The following RNLS variants were observed in gnomAD, a reference collection of about 807,000 sequenced individuals.
RNLS encodes the protein renalase, FAD dependent amine oxidase, also known as renalase.
Under a neutral mutation model 39.8 loss-of-function variants are expected in RNLS, and 39 were observed. The ratio of observed to expected loss-of-function variants is 0.98; its 90% CI spans 0.76 to 1.28. RNLS has a LOEUF of 1.28. Among genes scored for constraint, RNLS ranks in the 50% most tolerant of loss-of-function variants. RNLS has a pLI of 0.00. For synonymous variants in RNLS, 147 were observed against 150.7 expected, an observed-to-expected ratio of 0.98 and a Z score of 0.18; for missense variants, 410 against 413.3, an observed-to-expected ratio of 0.99 and a Z score of 0.07.
At chr10:88,468,360 T>C (rs1484840095) in intron 4 of RNLS, among the ~76,000 whole-genome samples, 1 of 152,202 alleles carries the variant, frequency 6.6e-6, no homozygotes, top group African/African-American at 2.4e-5. Flanking sequence ...CCTGGCTCTG[T>C]ATCTCCCCTG....
chr10:88,469,866 G>T, intron 4 of RNLS, among the ~76,000 whole-genome samples: 1 of 142,830 alleles, frequency 7.0e-6, no homozygotes, highest in Admixed American at 7.1e-5. Context: ...TGTGTGCTTT[G>T]CTCCACTTTC....
intron 4 of RNLS, among the ~76,000 whole-genome samples, chr10:88,512,331 T>C (rs1460330788): frequency 1.3e-5 from 2 of 152,072 alleles, no homozygotes; most frequent in Non-Finnish European, 2.9e-5. Context: ...CTCTGTGTAG[T>C]TCTATTTGGT....
intron 6 of RNLS, among the ~76,000 whole-genome samples, chr10:88,291,600 A>T (rs1274299885): frequency 6.6e-6 from 1 of 152,196 alleles, no homozygotes; most frequent in Non-Finnish European, 1.5e-5. Flanking sequence ...ACCACCAGTC[A>T]ATTGGAGTTG....
Position 88,275,841 on chromosome 10 carries a change from C to T in RNLS, c.877-809G>A, listed in dbSNP as rs187054622. On this transcript the variant is annotated intron_variant, in intron 6 of 6. Transcript: ENST00000371947. Reference sequence around the variant, plus strand: ...AGGCTGAGGCAAGAAGATCACTTGACGGCAGGAGTTTGAGTCTTACTTGGG... The same window carrying T: ...AGGCTGAGGCAAGAAGATCACTTGATGGCAGGAGTTTGAGTCTTACTTGGG... 2.5e-3 allele frequency among the ~76,000 whole-genome samples: 377 copies of T among 151,976 alleles called. 2 individuals carry two copies. The highest frequency in any genetic ancestry group is 3.2e-3 in the Non-Finnish European group (220 of 67,972).
chr10:88,579,719 C>G (rs529559144), intron 3 of RNLS, among the ~76,000 whole-genome samples: 4 of 152,164 alleles, frequency 2.6e-5, no homozygotes, highest in Non-Finnish European at 5.9e-5. Flanking sequence ...TAGTAACATT[C>G]TACAAAACGT....
chr10:88,507,367 A>C (rs1845848986), intron 4 of RNLS, among the ~76,000 whole-genome samples: 1 of 152,166 alleles, frequency 6.6e-6, no homozygotes, highest in South Asian at 2.1e-4. Flanking sequence ...ATCCTAAATG[A>C]TACTCCTAAA....
In RNLS at chr10:88,472,731, G is replaced by T. The variant is rs112358396; in HGVS notation, c.526+100172C>A. Among the ~76,000 whole-genome samples, 815 of 152,214 alleles carry T rather than the reference G, an allele frequency of 5.4e-3. 6 individuals are homozygous for T. Among genetic ancestry groups the T allele is most frequent in the African/African-American group, 0.016 (652 of 41,524 alleles). ...TTCATAGTGTGTTCCATGAACTACA[G>T]GCACCCCATCACCTGGGGGAGCTTG... On this transcript the variant is annotated intron_variant, in intron 4 of 6. Transcript: ENST00000331772.
intron 5 of RNLS, among the ~76,000 whole-genome samples, chr10:88,325,241 T>C (rs889028797): frequency 6.6e-6 from 1 of 152,198 alleles, no homozygotes; most frequent in Non-Finnish European, 1.5e-5. Context: ...GGCTGTACCA[T>C]TTGCATTCCC....
the RNLS span, among the ~76,000 whole-genome samples, chr10:88,188,084 G>T: frequency 3.9e-5 from 6 of 152,040 alleles, no homozygotes; most frequent in South Asian, 1.2e-3. Context: ...TTGAGATGGA[G>T]TCTCGCTCTG....
At chr10:88,199,255 T>A in the RNLS span, among the ~76,000 whole-genome samples, 5 of 152,076 alleles carry the variant, frequency 3.3e-5, no homozygotes, top group South Asian at 2.1e-4. Flanking sequence ...TCTAGATAGA[T>A]TTAAGAAGAG....
intron 4 of RNLS, among the ~76,000 whole-genome samples, chr10:88,403,519 G>T (rs1853065928): frequency 6.6e-6 from 1 of 151,948 alleles, no homozygotes; most frequent in Non-Finnish European, 1.5e-5. Context: ...ATAATTTTGG[G>T]TCACATTGGG....
intron 6 of RNLS, among the ~76,000 whole-genome samples, chr10:88,292,469 A>G (rs750507517): frequency 1.1e-4 from 16 of 151,856 alleles, no homozygotes; most frequent in Admixed American, 4.6e-4. Context: ...CTTTGCCTGT[A>G]AGAAAACTTA....
chr10:88,362,501 T>A lies in RNLS; in HGVS notation c.700+51A>T, dbSNP rs559901986. ...CTCAATTAAACAGCATTTTTCATGA[T>A]CTACACCCACCATTGTTGCTGTATT... On this transcript the variant is annotated intron_variant, in intron 5 of 6. Coordinates refer to ENST00000331772, the MANE Select transcript of RNLS (RefSeq NM_001031709.3). 143 of 1,531,892 alleles carry A rather than the reference T, an allele frequency of 9.3e-5. No individual in the cohort carries two copies. The South Asian group carries it at 1.6e-3, about 17-fold the overall frequency. The allele number at this position is 1,531,892 out of a possible 1,614,324, so 94.9% of individuals were successfully genotyped here.
intron 3 of RNLS, among the ~76,000 whole-genome samples, chr10:88,575,280 G>GTA (rs1850135259): frequency 1.4e-5 from 2 of 143,700 alleles, no homozygotes; most frequent in African/African-American, 5.2e-5. Flanking sequence ...GTGTGTGTGT[G>GTA]TGTATATATA....
At chr10:88,547,526 G>A (rs1329621588) in intron 4 of RNLS, among the ~76,000 whole-genome samples, 2 of 152,154 alleles carry the variant, frequency 1.3e-5, no homozygotes, top group African/African-American at 2.4e-5. Context: ...TGAAACTTTA[G>A]AGAAATTTTG....
chr10:88,529,552 T>C (rs1463716605), intron 4 of RNLS, among the ~76,000 whole-genome samples: 1 of 152,328 alleles, frequency 6.6e-6, no homozygotes, highest in South Asian at 2.1e-4. Context: ...TGATTGTATA[T>C]GTGTGTAATG....
At chr10:88,385,960 A>G (rs1851836168) in intron 4 of RNLS, among the ~76,000 whole-genome samples, 1 of 152,216 alleles carries the variant, frequency 6.6e-6, no homozygotes, top group African/African-American at 2.4e-5. Flanking sequence ...GGCCTGATTT[A>G]ATAGCCTGCT....
chr10:88,455,267 A>AC (rs1842566402), intron 4 of RNLS, among the ~76,000 whole-genome samples: 1 of 151,844 alleles, frequency 6.6e-6, no homozygotes, highest in African/African-American at 2.4e-5. Flanking sequence ...GTAAAGGGAA[A>AC]AAAAAATCAA....
intron 4 of RNLS, among the ~76,000 whole-genome samples, chr10:88,502,484 C>CG (rs1845559449): frequency 6.6e-6 from 1 of 152,148 alleles, no homozygotes; most frequent in East Asian, 1.9e-4. Context: ...TTGCACAGGG[C>CG]TGCTCCTCTT....
Sources: allele counts gnomAD v4.1 joint callset (sites outside exome capture counted in the v4.1 genomes callset), GRCh38; gene constraint gnomAD v4.1.1; transcripts MANE v1.5; gene names NCBI Gene and HGNC (gene_info 2026-07-23, HGNC 2026-07-21).